Variants in ACSS3 observed in about 807,000 individuals in gnomAD.
The protein encoded by ACSS3 is acyl-CoA synthetase short-chain family member 3, mitochondrial.
A neutral mutation model predicts 84.2 loss-of-function variants in ACSS3; 64 were observed. That is an observed-to-expected ratio of 0.76 (90% confidence interval 0.62 to 0.94). The LOEUF (loss-of-function observed/expected upper bound fraction) is 0.94. Ranked by LOEUF, ACSS3 falls within the 40% of genes least tolerant of loss-of-function variation. The pLI, the probability that ACSS3 is intolerant of heterozygous loss-of-function variation, is 0.00. For missense variants in ACSS3, 815 were observed against 867.6 expected (o/e 0.94, Z 0.76); for synonymous variants, 317 against 310.1 (o/e 1.02, Z -0.23).
At chr12:81,144,903 CTTTTTTTT>C (rs1292727483) in intron 5 of ACSS3, among the ~76,000 whole-genome samples, 1 of 116,976 alleles carries the variant, frequency 8.5e-6, no homozygotes, top group African/African-American at 3.3e-5. Context: ...TTTTTCTTTT[CTTTTTTTT>C]TTTTTTTTTG....
At chr12:81,151,976 T>C (rs747931562) in intron 6 of ACSS3, 25 bp from the exon 7 acceptor site, 17 of 1,611,982 alleles carry the variant, frequency 1.1e-5, no homozygotes, top group African/African-American at 2.7e-5. Flanking sequence ...ATAAAATATA[T>C]TCATTTTATT....
chr12:81,233,058 T>C (rs2033516762), intron 12 of ACSS3, among the ~76,000 whole-genome samples: 2 of 151,714 alleles, frequency 1.3e-5, no homozygotes, highest in Admixed American at 1.3e-4. Flanking sequence ...AGTATTGAGC[T>C]ATTACTTCTC....
At chr12:81,198,818 A>G (rs1353907769) in intron 8 of ACSS3, among the ~76,000 whole-genome samples, 1 of 152,128 alleles carries the variant, frequency 6.6e-6, no homozygotes, top group Non-Finnish European at 1.5e-5. Flanking sequence ...TATTTCTCCT[A>G]CATATGTCCT....
intron 10 of ACSS3, among the ~76,000 whole-genome samples, chr12:81,217,611 G>A (rs1411918829): frequency 6.6e-6 from 1 of 152,180 alleles, no homozygotes; most frequent in Non-Finnish European, 1.5e-5. Context: ...GGGAGGCCAA[G>A]GCAGACGGAT....
intron 7 of ACSS3, among the ~76,000 whole-genome samples, chr12:81,169,400 C>T (rs917261718): frequency 6.6e-6 from 1 of 151,958 alleles, no homozygotes; most frequent in Non-Finnish European, 1.5e-5. Context: ...AAAATTGGAA[C>T]AAAATAATGT....
At chr12:81,087,403 A>G (rs1440048082) in intron 1 of ACSS3, among the ~76,000 whole-genome samples, 1 of 152,056 alleles carries the variant, frequency 6.6e-6, no homozygotes, top group Admixed American at 6.6e-5. Flanking sequence ...GCAGGAGAAG[A>G]AGAAGAGCAG....
intron 9 of ACSS3, among the ~76,000 whole-genome samples, chr12:81,203,016 A>C (rs2032177137): frequency 6.6e-6 from 1 of 152,112 alleles, no homozygotes; most frequent in African/African-American, 2.4e-5. Flanking sequence ...CAAGTTTGAG[A>C]CCCTGGAATT....
rs1883406511 is a variant in ACSS3, at chr12:81,109,700, A to T, written c.452A>T (p.Glu151Val). The change falls in exon 2 of 16, where the codon GAG becomes GTG. Residue 151 changes from glutamate (E) to valine (V), a missense_variant. Coordinates refer to ENST00000548058, the MANE Select transcript of ACSS3 (RefSeq NM_024560.4). ...KATFTYKEVL[E>V]QVSKLAGVLV... is the part of the protein sequence containing the mutation. ...ACCTTTACCTATAAAGAAGTTCTGG[A>T]GCAGGTAATATCATAAACTTTATAT... is the stretch of plus-strand genomic sequence containing the variant. 2 of 1,594,234 alleles carry T rather than the reference A, an allele frequency of 1.3e-6. No individual in the cohort carries two copies. The highest frequency in any genetic ancestry group is 2.3e-5 in the South Asian group (2 of 85,908).
intron 7 of ACSS3, among the ~76,000 whole-genome samples, chr12:81,173,985 A>G (rs932674934): frequency 6.6e-6 from 1 of 152,154 alleles, no homozygotes; most frequent in Non-Finnish European, 1.5e-5. Flanking sequence ...CATTGCAGGC[A>G]TCTTGCTTTA....
At chr12:81,084,376 G>A (rs1260459160) in intron 1 of ACSS3, among the ~76,000 whole-genome samples, 3 of 152,092 alleles carry the variant, frequency 2.0e-5, no homozygotes, top group Non-Finnish European at 4.4e-5. Flanking sequence ...TAGAAAGAGA[G>A]GAACTTCAGG....
intron 11 of ACSS3, among the ~76,000 whole-genome samples, chr12:81,225,872 C>T (rs996592362): frequency 3.3e-5 from 5 of 151,806 alleles, no homozygotes; most frequent in Non-Finnish European, 5.9e-5. Context: ...AGTAAATAAA[C>T]AAGGCAATTG....
At chr12:81,247,137 T>C (rs2034007662) in intron 13 of ACSS3, among the ~76,000 whole-genome samples, 1 of 152,180 alleles carries the variant, frequency 6.6e-6, no homozygotes, top group Non-Finnish European at 1.5e-5. Context: ...AATTTTGTGA[T>C]AACCTGAAAT....
chr12:81,130,135 A>G (rs1351853225), intron 2 of ACSS3, among the ~76,000 whole-genome samples: 2 of 152,212 alleles, frequency 1.3e-5, no homozygotes. Flanking sequence ...CTTTGGGTAT[A>G]TACCCAGTAA....
At chr12:81,120,124 G>T (rs1242421592) in intron 2 of ACSS3, among the ~76,000 whole-genome samples, 1 of 152,178 alleles carries the variant, frequency 6.6e-6, no homozygotes, top group African/African-American at 2.4e-5. Context: ...TCCCCTGAAG[G>T]TCTGCAGAAG....
chr12:81,170,386 A>G (rs1404156941), intron 7 of ACSS3, among the ~76,000 whole-genome samples: 2 of 152,148 alleles, frequency 1.3e-5, no homozygotes, highest in Non-Finnish European at 2.9e-5. Context: ...TGTGCTTTGT[A>G]CCATTGTTAG....
chr12:81,202,085 C>T (rs938843496), intron 9 of ACSS3, among the ~76,000 whole-genome samples: 1 of 152,024 alleles, frequency 6.6e-6, no homozygotes, highest in African/African-American at 2.4e-5. Context: ...CGAGACCAGC[C>T]TGACCAACAT....
At chr12:81,150,053 A>G (rs67546814) in intron 5 of ACSS3, among the ~76,000 whole-genome samples, 5,412 of 152,086 alleles carry the variant, frequency 0.036, 139 homozygotes, top group African/African-American at 0.059. Flanking sequence ...CTTTACATTT[A>G]TGTTTCAGGT....
Position 81,151,771 on chromosome 12 carries a change from G to A in ACSS3, c.922-73G>A, listed in dbSNP as rs999918171. ...ATACTTTTGACCAGGAACTTTTAAA[G>A]TGGATGCTATGAAGATAGAGAGTGT... On this transcript the variant is annotated intron_variant, in intron 5 of 15. Coordinates refer to ENST00000548058, the MANE Select transcript of ACSS3 (RefSeq NM_024560.4). 1.9e-5 allele frequency: 26 copies of A among 1,340,938 alleles called. No individual in the cohort carries two copies. The East Asian group carries it at 4.2e-4, about 22-fold the overall frequency. 83.1% of individuals were successfully genotyped at this position (1,340,938 alleles called of 1,614,324 possible).
intron 1 of ACSS3, among the ~76,000 whole-genome samples, chr12:81,093,670 G>C (rs555335474): frequency 6.6e-6 from 1 of 151,470 alleles, no homozygotes; most frequent in African/African-American, 2.4e-5. Flanking sequence ...GAGTTCATTT[G>C]TATCCATAAT....
Sources: gnomAD v4.1 joint callset for allele counts (sites outside exome capture counted in the v4.1 genomes callset) on GRCh38, gnomAD v4.1.1 for gene constraint, MANE v1.5 for transcripts, NCBI Gene and HGNC (gene_info 2026-07-23, HGNC 2026-07-21) for gene names.